ASTN2: variants seen among roughly 807,000 people sequenced by gnomAD.
ASTN2 encodes the protein astrotactin-2.
ASTN2 carries 54 observed loss-of-function variants against 139.8 expected under a neutral mutation model. The observed-to-expected ratio is 0.39, with a 90% confidence interval of 0.31 to 0.48. ASTN2 has a LOEUF of 0.48. Ranked by LOEUF, ASTN2 falls within the 20% of genes least tolerant of loss-of-function variation. The probability of loss-of-function intolerance (pLI) is 0.95; values close to 1 mark genes in which losing one functional copy is unlikely to be tolerated. For synonymous variants in ASTN2, 756 were observed against 719.5 expected, an observed-to-expected ratio of 1.05 and a Z score of -0.81; for missense variants, 1,565 against 1,725.1, an observed-to-expected ratio of 0.91 and a Z score of 1.64.
intron 12 of ASTN2, among the ~76,000 whole-genome samples, chr9:116,818,621 T>C (rs1385744092): frequency 1.3e-5 from 2 of 152,228 alleles, no homozygotes; most frequent in Non-Finnish European, 2.9e-5. Flanking sequence ...ATTAACAGAT[T>C]AGTCCTGTCT....
rs141567129 is a variant in ASTN2, at chr9:116,641,655, T to A, written c.3072+9873A>T. Among the ~76,000 whole-genome samples the A allele has an allele frequency of 3.1e-3, 465 of 152,294 alleles. 2 individuals carry two copies. The highest frequency in any genetic ancestry group is 5.2e-3 in the Non-Finnish European group (355 of 68,020). On this transcript the variant is annotated intron_variant, in intron 17 of 22. Coordinates refer to ENST00000313400, the MANE Select transcript of ASTN2 (RefSeq NM_001365068.1). ...TCAATGTCCCATGGAAAAAAAATAT[T>A]CTCTGACATGCAAAAATGTTTGCAT... is the stretch of plus-strand genomic sequence containing the variant.
chr9:117,216,525 T>TTG (rs1032055888), intron 2 of ASTN2, among the ~76,000 whole-genome samples: 1 of 152,092 alleles, frequency 6.6e-6, no homozygotes, highest in Non-Finnish European at 1.5e-5. Context: ...ATGTGTGTAT[T>TTG]TGTGTGTGTG....
chr9:117,225,480 C>T (rs544417855), intron 2 of ASTN2, among the ~76,000 whole-genome samples: 3 of 141,610 alleles, frequency 2.1e-5, no homozygotes, highest in Admixed American at 7.5e-5. Context: ...TTTGGGAGGC[C>T]GAGGCGGGTG....
At chr9:116,790,911 G>A (rs1830511956) in intron 13 of ASTN2, among the ~76,000 whole-genome samples, 1 of 125,316 alleles carries the variant, frequency 8.0e-6, no homozygotes, top group Non-Finnish European at 1.8e-5. Context: ...AAGAAAGAAA[G>A]AGAAAGAAAG....
Position 117,039,717 on chromosome 9 carries a change from G to T in ASTN2, c.1423+102C>A, listed in dbSNP as rs535317989. On this transcript the variant is annotated intron_variant, in intron 6 of 22. Coordinates refer to ENST00000313400, the MANE Select transcript of ASTN2 (RefSeq NM_001365068.1). ...TCCTTTTTTTCCTCCTGTAATATAT[G>T]TAATAGTAATTCTAAGGTTTGGCCA... The T allele has an allele frequency of 5.0e-5, 64 of 1,287,946 alleles. 1 individual carries two copies. Among genetic ancestry groups the T allele is most frequent in the Admixed American group, 7.9e-5 (3 of 38,184 alleles). The allele number at this position is 1,287,946 out of a possible 1,614,324, so 79.8% of individuals were successfully genotyped here.
intron 16 of ASTN2, among the ~76,000 whole-genome samples, chr9:116,724,576 G>A (rs904965246): frequency 1.3e-5 from 2 of 152,182 alleles, no homozygotes; most frequent in Non-Finnish European, 2.9e-5. Flanking sequence ...GCAAAGCTGC[G>A]TGAAAGCTCC....
At chr9:116,914,547 T>TTTTTTATTA (rs1554760026) in intron 10 of ASTN2, among the ~76,000 whole-genome samples, 7 of 146,912 alleles carry the variant, frequency 4.8e-5, no homozygotes, top group African/African-American at 1.5e-4. Flanking sequence ...TGTAAAGTGT[T>TTTTTTATTA]TTATTATTAT....
intron 5 of ASTN2, among the ~76,000 whole-genome samples, chr9:117,095,082 G>C (rs1285633330): frequency 6.6e-6 from 1 of 152,202 alleles, no homozygotes; most frequent in Non-Finnish European, 1.5e-5. Flanking sequence ...AGGTAGGAGA[G>C]AAGGACCAGT....
intron 13 of ASTN2, among the ~76,000 whole-genome samples, chr9:116,758,545 C>T (rs771053622): frequency 4.6e-5 from 7 of 152,214 alleles, no homozygotes; most frequent in African/African-American, 1.7e-4. Context: ...CTCTCTGATG[C>T]TCCCAAACAT....
chr9:117,250,221 G>A (rs749299846), intron 2 of ASTN2, among the ~76,000 whole-genome samples: 2 of 152,228 alleles, frequency 1.3e-5, no homozygotes, highest in Non-Finnish European at 2.9e-5. Flanking sequence ...GGCATCAGAA[G>A]ACTGGGTTTG....
intron 10 of ASTN2, among the ~76,000 whole-genome samples, chr9:116,905,871 G>T (rs1416445484): frequency 6.7e-6 from 1 of 149,536 alleles, no homozygotes; most frequent in African/African-American, 2.5e-5. Context: ...TTTTTTGGGG[G>T]GGGGTGCGGG....
At chr9:116,642,002 C>T (rs895004341) in intron 17 of ASTN2, among the ~76,000 whole-genome samples, 2 of 151,926 alleles carry the variant, frequency 1.3e-5, no homozygotes, top group East Asian at 3.9e-4. Context: ...TTCTTAATCC[C>T]TAAACAAGGA....
At chr9:116,882,822 G>T (rs547330292) in intron 10 of ASTN2, among the ~76,000 whole-genome samples, 3 of 134,502 alleles carry the variant, frequency 2.2e-5, no homozygotes, top group African/African-American at 5.1e-5. Context: ...CAGAGACCTT[G>T]ACTCTTAAAA....
Position 116,698,615 on chromosome 9 carries a change from T to G in ASTN2, c.2806+27156A>C, listed in dbSNP as rs766687896. 1.2e-6 allele frequency: 2 copies of G among 1,614,058 alleles called. No individual in the cohort carries two copies. Among genetic ancestry groups the G allele is most frequent in the Admixed American group, 3.3e-5 (2 of 60,012 alleles). ...TAGGTCATGTTGGCCCCCTCCAAAT[T>G]GGACAAGCTGTTAAGAAGCCCCGGA... On this transcript the variant is annotated intron_variant, in intron 16 of 22. Coordinates refer to ENST00000313400, the MANE Select transcript of ASTN2 (RefSeq NM_001365068.1). The surrounding 1 kb of genome is among the most constrained non-coding windows in gnomAD (Gnocchi z 4.4).
At chr9:117,108,027 A>G (rs1405389939) in intron 4 of ASTN2, among the ~76,000 whole-genome samples, 1 of 152,220 alleles carries the variant, frequency 6.6e-6, no homozygotes, top group East Asian at 1.9e-4. Flanking sequence ...TGCCTGCTAC[A>G]TGTCAAGCAA....
At chr9:116,731,603 T>C (rs1828786570) in intron 14 of ASTN2, among the ~76,000 whole-genome samples, 1 of 152,128 alleles carries the variant, frequency 6.6e-6, no homozygotes, top group South Asian at 2.1e-4. Context: ...TTTGTATCTT[T>C]AGTAGAGACG....
intron 20 of ASTN2, among the ~76,000 whole-genome samples, chr9:116,445,459 G>C (rs1847958820): frequency 6.6e-6 from 1 of 152,162 alleles, no homozygotes; most frequent in Admixed American, 6.5e-5. Context: ...TGAAAAGTAG[G>C]AATATGTTTT....
chr9:116,892,293 C>T (rs866143317), intron 10 of ASTN2, among the ~76,000 whole-genome samples: 4 of 152,312 alleles, frequency 2.6e-5, no homozygotes, highest in Middle Eastern at 6.8e-3. Context: ...CTTTCTCAAG[C>T]AGTTGCTATT....
At chr9:117,363,292 T>C (rs774752042) in intron 1 of ASTN2, among the ~76,000 whole-genome samples, 8 of 152,156 alleles carry the variant, frequency 5.3e-5, no homozygotes, top group Non-Finnish European at 1.0e-4. Context: ...GAGTGTGTAG[T>C]GAAGGAAGGC....
Sources: allele counts gnomAD v4.1 joint callset (sites outside exome capture counted in the v4.1 genomes callset), GRCh38; gene constraint gnomAD v4.1.1; non-coding constraint Gnocchi (gnomAD v3.1); transcripts MANE v1.5; gene names NCBI Gene and HGNC (gene_info 2026-07-23, HGNC 2026-07-21).